The following SMIM41 variants were observed in gnomAD, a reference collection of about 807,000 sequenced individuals.
SMIM41 encodes small integral membrane protein 41.
In SMIM41 at chr12:52,082,562, G is replaced by C. The variant is rs904563017; in HGVS notation, c.*121-1332G>C. Among the ~76,000 whole-genome samples the C allele has an allele frequency of 8.5e-5, 13 of 152,290 alleles. 1 individual carries two copies. The highest frequency in any genetic ancestry group is 6.5e-4 in the Admixed American group (10 of 15,304). On this transcript the variant is annotated intron_variant, in intron 1 of 2. Coordinates refer to ENST00000546390, the MANE Select transcript of SMIM41 (RefSeq NM_001369216.1). The stretch of plus-strand genomic sequence containing the variant: ...GAATGTGGAAAATTGGGAAGTGGGT[G>C]CTGCTGTTACCCCATCAGGCTCCAG...
rs1477685679 is a variant in SMIM41, at chr12:52,079,973, T to A, written c.194T>A (p.Leu65Gln). ...GGGLLLRAQGLTALLTREQRA... is the reference protein window; with the variant it reads ...GGGLLLRAQGQTALLTREQRA... Reference sequence around the variant, plus strand: ...GGCCTCCTCCTCCGCGCCCAGGGCCTGACAGCGCTGCTGACCCGCGAGCAG... The same window carrying A: ...GGCCTCCTCCTCCGCGCCCAGGGCCAGACAGCGCTGCTGACCCGCGAGCAG... Residue 65 changes from leucine to glutamine, a missense_variant, in exon 1 of 3, where the codon CTG becomes CAG. Leu to Gln is a moderately radical substitution (Grantham distance 113, BLOSUM62 -2). Coordinates refer to ENST00000546390, the MANE Select transcript of SMIM41 (RefSeq NM_001369216.1). The A allele has an allele frequency of 5.0e-5, 19 of 382,512 alleles. No individual in the cohort carries two copies. Among genetic ancestry groups the A allele is most frequent in the Admixed American group, 4.5e-4 (10 of 22,172 alleles). 23.7% of individuals were successfully genotyped at this position (382,512 alleles called of 1,614,324 possible). A position where few individuals can be genotyped will look rare whatever the true frequency, so the allele number is the denominator to read the frequency against.
At position 52,108,061 on chromosome 12, in the gene SMIM41, G is replaced by C. The variant is rs563383466; in HGVS notation, c.*878G>C. On this transcript the variant is annotated 3_prime_UTR_variant, in exon 3 of 3. Transcript: ENST00000546390. ...AAGTATAAAGCCTTCTCCACCTGTG[G>C]GTCTCACCTGTCAGTTGTTTGCTGA... is the stretch of plus-strand genomic sequence containing the variant. The C allele has an allele frequency of 3.2e-5, 7 of 217,214 alleles. No homozygotes were observed. The highest frequency in any genetic ancestry group is 1.1e-4 in the Admixed American group (2 of 18,820). 13.5% of individuals were successfully genotyped at this position (217,214 alleles called of 1,614,324 possible). A position where few individuals can be genotyped will look rare whatever the true frequency, so the allele number is the denominator to read the frequency against.
At chr12:52,082,022 C>T (rs1939826965) in intron 1 of SMIM41, 1 of 152,376 alleles carries the variant, frequency 6.6e-6, no homozygotes. Flanking sequence ...CTGCCCCCTT[C>T]CCATCCTGCT....
At chr12:52,101,790 G>A (rs538910923) in intron 2 of SMIM41, among the ~76,000 whole-genome samples, 3 of 151,896 alleles carry the variant, frequency 2.0e-5, no homozygotes, top group South Asian at 2.1e-4. Context: ...TTGGCTCACC[G>A]CAACCTCTGC....
At chr12:52,103,368 A>AT (rs1940260546) in intron 2 of SMIM41, among the ~76,000 whole-genome samples, 1 of 151,780 alleles carries the variant, frequency 6.6e-6, no homozygotes, top group East Asian at 1.9e-4. Flanking sequence ...AAAAAAAAAA[A>AT]AAAACCAAAA....
At chr12:52,090,733 G>C (rs1250851199) in intron 2 of SMIM41, among the ~76,000 whole-genome samples, 1 of 152,226 alleles carries the variant, frequency 6.6e-6, no homozygotes, top group East Asian at 1.9e-4. Flanking sequence ...CTCTGGCAGA[G>C]AGGAAAGACT....
chr12:52,094,304 T>A (rs1940054284), intron 2 of SMIM41, among the ~76,000 whole-genome samples: 1 of 151,202 alleles, frequency 6.6e-6, no homozygotes, highest in Non-Finnish European at 1.5e-5. Flanking sequence ...GTTCAAGCAA[T>A]TCTGCTTCAG....
At chr12:52,082,101 C>A (rs1246450819) in intron 1 of SMIM41, 1 of 152,488 alleles carries the variant, frequency 6.6e-6, no homozygotes, top group Admixed American at 6.5e-5. Flanking sequence ...AGCTCCTCAG[C>A]CAGCTGGGCT....
At chr12:52,090,459 C>T (rs1209944172) in intron 2 of SMIM41, among the ~76,000 whole-genome samples, 1 of 152,066 alleles carries the variant, frequency 6.6e-6, no homozygotes, top group Non-Finnish European at 1.5e-5. Context: ...GGGGGAAGCA[C>T]TCCAGGCCAC....
intron 2 of SMIM41, among the ~76,000 whole-genome samples, chr12:52,092,946 T>C (rs1049713386): frequency 6.6e-6 from 1 of 152,026 alleles, no homozygotes; most frequent in Non-Finnish European, 1.5e-5. Context: ...CTTTGGTAGG[T>C]CGAGGCGGGC....
At chr12:52,102,214 G>C (rs1940229378) in intron 2 of SMIM41, among the ~76,000 whole-genome samples, 1 of 152,156 alleles carries the variant, frequency 6.6e-6, no homozygotes, top group Non-Finnish European at 1.5e-5. Flanking sequence ...TGTCACACCA[G>C]GTGCAAAAAT....
At chr12:52,085,625 G>A (rs1285308645) in intron 2 of SMIM41, among the ~76,000 whole-genome samples, 1 of 152,174 alleles carries the variant, frequency 6.6e-6, no homozygotes, top group African/African-American at 2.4e-5. Context: ...TGTCACTTGG[G>A]CCAAACCCTG....
intron 2 of SMIM41, among the ~76,000 whole-genome samples, chr12:52,086,943 T>C (rs1398366583): frequency 6.6e-6 from 1 of 152,162 alleles, no homozygotes; most frequent in Non-Finnish European, 1.5e-5. Context: ...CCTTTGAACT[T>C]TTACCCAGGC....
At chr12:52,096,141 T>G (rs1035367822) in intron 2 of SMIM41, among the ~76,000 whole-genome samples, 4 of 152,022 alleles carry the variant, frequency 2.6e-5, no homozygotes, top group Non-Finnish European at 5.9e-5. Flanking sequence ...ACAGGGTGGC[T>G]GCACACAGCC....
intron 2 of SMIM41, among the ~76,000 whole-genome samples, chr12:52,102,532 A>T (rs1940237973): frequency 6.6e-6 from 1 of 152,226 alleles, no homozygotes. Context: ...GAACTAAACA[A>T]CAAGAAACCC....
chr12:52,089,012 C>T lies in SMIM41; in HGVS notation c.*195+5044C>T, dbSNP rs188203948. ...ACCATTCACCCCTCACTCATCCAGC[C>T]GCCGCTGCTTGTAAAGCTTGTACTG... On this transcript the variant is annotated intron_variant, in intron 2 of 2. Coordinates refer to ENST00000546390, the MANE Select transcript of SMIM41 (RefSeq NM_001369216.1). 7.2e-3 allele frequency among the ~76,000 whole-genome samples: 1,099 copies of T among 151,878 alleles called. 11 individuals are homozygous for T. Among genetic ancestry groups the T allele is most frequent in the Non-Finnish European group, 7.0e-3 (477 of 67,984 alleles).
In SMIM41 at chr12:52,083,282, T is replaced by A. The variant is rs1014357931; in HGVS notation, c.*121-612T>A. On this transcript the variant is annotated intron_variant, in intron 1 of 2. Transcript: ENST00000546390. ...CCCTGCTGCAAGTCAGTGCCTCTCA[T>A]TTGCAGGCCTGCAGCACCCCCTCAA... 5.9e-5 allele frequency among the ~76,000 whole-genome samples: 9 copies of A among 152,262 alleles called. No homozygotes were observed. In the South Asian group the frequency reaches 1.7e-3, roughly 28 times the overall value.
intron 2 of SMIM41, among the ~76,000 whole-genome samples, chr12:52,103,455 T>C (rs1326154159): frequency 6.7e-6 from 1 of 149,930 alleles, no homozygotes; most frequent in Non-Finnish European, 1.5e-5. Flanking sequence ...GTGAAATGAA[T>C]AAATCCAAAA....
intron 2 of SMIM41, among the ~76,000 whole-genome samples, chr12:52,098,661 G>A (rs918739787): frequency 6.6e-6 from 1 of 151,672 alleles, no homozygotes; most frequent in Non-Finnish European, 1.5e-5. Flanking sequence ...AAATGTAACC[G>A]GGGATGTGAA....
Sources: allele counts gnomAD v4.1 joint callset (sites outside exome capture counted in the v4.1 genomes callset), GRCh38; gene constraint gnomAD v4.1.1; transcripts MANE v1.5; gene names NCBI Gene and HGNC (gene_info 2026-07-23, HGNC 2026-07-21).